The following CLUAP1 variants were observed in gnomAD, a reference collection of about 807,000 sequenced individuals.
CLUAP1 encodes clusterin-associated protein 1.
CLUAP1 carries 50 observed loss-of-function variants against 55.0 expected under a neutral mutation model. That is an observed-to-expected ratio of 0.91 (90% CI 0.72 to 1.15). The LOEUF (loss-of-function observed/expected upper bound fraction) is 1.15, where lower values mean the gene tolerates loss of function less well. CLUAP1 is among the 50% of genes most tolerant of loss of function. The pLI is 0.00. For missense variants in CLUAP1, 530 were observed against 507.6 expected (o/e 1.04, Z -0.42); for synonymous variants, 195 against 175.4 (o/e 1.11, Z -0.88).
intron 5 of CLUAP1, 117 bp downstream of exon 5, chr16:3,512,595 A>C (rs966270551): frequency 1.3e-6 from 1 of 749,050 alleles, no homozygotes; most frequent in South Asian, 1.7e-5. Context: ...TGAATGAGCT[A>C]ATGTGTGGAA....
upstream of CLUAP1, chr16:3,496,551 T>TG (rs2037313103): frequency 7.3e-6 from 4 of 548,926 alleles, no homozygotes; most frequent in Non-Finnish European, 1.4e-5. Context: ...ATCCTCAGGG[T>TG]GGGGGCCAAG....
chr16:3,512,077 T>G (rs539525377), intron 4 of CLUAP1, among the ~76,000 whole-genome samples: 1 of 151,890 alleles, frequency 6.6e-6, no homozygotes, highest in African/African-American at 2.4e-5. Context: ...TCCCAGCCAC[T>G]TGGGAGGCTG....
the CLUAP1 span, among the ~76,000 whole-genome samples, chr16:3,495,799 C>T: frequency 2.0e-5 from 3 of 151,958 alleles, no homozygotes; most frequent in East Asian, 1.9e-4. Flanking sequence ...AGACCTAGGT[C>T]GGTACTTTGA....
intron 1 of CLUAP1, among the ~76,000 whole-genome samples, chr16:3,504,354 C>T (rs1302679818): frequency 6.6e-6 from 1 of 152,168 alleles, no homozygotes; most frequent in African/African-American, 2.4e-5. Flanking sequence ...TTGAGTCAAA[C>T]CACTGTTGAC....
intron 5 of CLUAP1, among the ~76,000 whole-genome samples, chr16:3,514,150 G>T (rs533511977): frequency 2.0e-5 from 3 of 152,312 alleles, no homozygotes; most frequent in East Asian, 1.9e-4. Flanking sequence ...GTCCCTAAGA[G>T]ACTCAGAGAC....
At position 3,529,609 on chromosome 16, in the gene CLUAP1, TTATATAA is replaced by T. The variant is rs1385212719; in HGVS notation, c.929-955_929-949del. On this transcript the variant is annotated intron_variant, in intron 9 of 11. Transcript: ENST00000576634. ...ATTATATATTATTATATATTATATATTATATAATATTATATATTATATATTATTATAT... is the reference window on the plus strand; with the variant it reads ...ATTATATATTATTATATATTATATATTATTATATATTATATATTATTATAT... 7.7e-3 allele frequency among the ~76,000 whole-genome samples: 296 copies of T among 38,414 alleles called. 7 individuals carry two copies. Among genetic ancestry groups the T allele is most frequent in the Admixed American group, 0.011 (23 of 2,002 alleles). 25.2% of individuals were successfully genotyped at this position (38,414 alleles called of 152,430 possible).
At chr16:3,512,325 T>G (rs2037644258) in intron 4 of CLUAP1, 58 bp from the exon 5 acceptor site, 2 of 1,332,204 alleles carry the variant, frequency 1.5e-6, no homozygotes, top group Non-Finnish European at 2.2e-6. Flanking sequence ...GCCAAGACCC[T>G]GTCTCTATTA....
Position 3,523,386 on chromosome 16 carries a change from GAAA to G in CLUAP1, c.855+92_855+94del, listed in dbSNP as rs943691169. 31 of 1,422,048 alleles carry G rather than the reference GAAA, an allele frequency of 2.2e-5. No individual in the cohort carries two copies. In the African/African-American group the frequency reaches 4.4e-4, roughly 20 times the overall value. The allele number at this position is 1,422,048 out of a possible 1,614,324, so 88.1% of individuals were successfully genotyped here. On this transcript the variant is annotated intron_variant, in intron 8 of 11. Coordinates refer to ENST00000576634, the MANE Select transcript of CLUAP1 (RefSeq NM_015041.3). ...CAGGTCATTTTGTTAATATCATTGT[GAAA>G]AAAATATCAGTACATGTTTTTTCTC... is the stretch of plus-strand genomic sequence containing the variant.
In CLUAP1 at chr16:3,503,918, A is replaced by G. The variant is rs144306947; in HGVS notation, c.23-802A>G. ...GGTTATTTGTGAACATTGATGGACC[A>G]TTTTGAACATGGATCTTCAAGAAGA... On this transcript the variant is annotated intron_variant, in intron 1 of 11. Transcript: ENST00000576634. Among the ~76,000 whole-genome samples the G allele has an allele frequency of 4.2e-3, 647 of 152,318 alleles. 4 individuals are homozygous for G. The highest frequency in any genetic ancestry group is 0.015 in the African/African-American group (614 of 41,562).
At chr16:3,535,972 C>T in intron 11 of CLUAP1, 150 bp from the exon 12 acceptor site, 1 of 812,508 alleles carries the variant, frequency 1.2e-6, no homozygotes, top group Non-Finnish European at 1.9e-6. Context: ...TCAGTCCCAT[C>T]TGTATGCCCT....
At chr16:3,529,684 TTATTATATATTATA>T (rs1374668643) in intron 9 of CLUAP1, among the ~76,000 whole-genome samples, 9 of 6,938 alleles carry the variant, frequency 1.3e-3, no homozygotes, top group Admixed American at 3.4e-3. Flanking sequence ...ATATTATATA[TTATTATATATTATA>T]TATTATATAT....
intron 9 of CLUAP1, among the ~76,000 whole-genome samples, chr16:3,526,850 C>T (rs377055404): frequency 7.2e-5 from 11 of 152,064 alleles, no homozygotes; most frequent in East Asian, 3.9e-4. Context: ...ATATATGATG[C>T]GTAACTATAA....
At chr16:3,499,872 T>G (rs2037354999), upstream of CLUAP1, among the ~76,000 whole-genome samples, 2 of 152,194 alleles carry the variant, frequency 1.3e-5, no homozygotes, top group Non-Finnish European at 2.9e-5. Context: ...AATGCGAACT[T>G]AGAGACAGGC....
At chr16:3,531,706 A>G (rs1383248465) in intron 10 of CLUAP1, among the ~76,000 whole-genome samples, 1 of 152,138 alleles carries the variant, frequency 6.6e-6, no homozygotes. Context: ...ACACACATAC[A>G]CATACAAAGA....
intron 2 of CLUAP1, 60 bp downstream of exon 2, chr16:3,504,891 C>T (rs2037473522): frequency 2.0e-6 from 2 of 1,014,946 alleles, no homozygotes; most frequent in East Asian, 2.4e-5. Flanking sequence ...TATTAGTCAT[C>T]TAGAAAACAG....
intron 10 of CLUAP1, among the ~76,000 whole-genome samples, chr16:3,532,394 G>A (rs2038139812): frequency 7.2e-6 from 1 of 138,624 alleles, no homozygotes; most frequent in African/African-American, 2.7e-5. Flanking sequence ...AATGTTTGGA[G>A]CACAGTTGCT....
chr16:3,509,307 G>A (rs971324127), intron 4 of CLUAP1, among the ~76,000 whole-genome samples: 7 of 152,186 alleles, frequency 4.6e-5, no homozygotes, highest in African/African-American at 1.7e-4. Flanking sequence ...GCCGTGTGAT[G>A]AGGGTTGGGA....
intron 9 of CLUAP1, among the ~76,000 whole-genome samples, chr16:3,527,093 C>G (rs944198000): frequency 5.9e-5 from 9 of 152,186 alleles, no homozygotes; most frequent in Non-Finnish European, 1.5e-5. Flanking sequence ...GACCAGGCAG[C>G]TTCCCTTATC....
chr16:3,532,662 C>A, intron 10 of CLUAP1, 124 bp from the exon 11 acceptor site: 1 of 949,604 alleles, frequency 1.1e-6, no homozygotes. Context: ...CTGTCTCAGC[C>A]TCCCAAATTC....
Sources: allele counts gnomAD v4.1 joint callset (sites outside exome capture counted in the v4.1 genomes callset), GRCh38; gene constraint gnomAD v4.1.1; transcripts MANE v1.5; gene names NCBI Gene and HGNC (gene_info 2026-07-23, HGNC 2026-07-21).